CNBD1: variants seen among roughly 807,000 people sequenced by gnomAD.
CNBD1 encodes the protein cyclic nucleotide-binding domain-containing protein 1.
CNBD1 carries 71 observed loss-of-function variants against 54.4 expected under a neutral mutation model. That is an observed-to-expected ratio of 1.30 (90% confidence interval 1.08 to 1.59). CNBD1 has a LOEUF of 1.59. Among genes scored for constraint, CNBD1 ranks in the 40% most tolerant of loss-of-function variants. The probability of loss-of-function intolerance (pLI) is 0.00; values close to 1 mark genes in which losing one functional copy is unlikely to be tolerated. For synonymous variants in CNBD1, 182 were observed against 170.7 expected, an observed-to-expected ratio of 1.07 and a Z score of -0.51; for missense variants, 659 against 518.0, an observed-to-expected ratio of 1.27 and a Z score of -2.64.
intron 4 of CNBD1, among the ~76,000 whole-genome samples, chr8:87,145,815 A>G (rs902531184): frequency 1.3e-5 from 2 of 152,114 alleles, no homozygotes; most frequent in Non-Finnish European, 2.9e-5. Flanking sequence ...TCCCTATTTC[A>G]GTTCATGGTG....
intron 2 of CNBD1, among the ~76,000 whole-genome samples, chr8:87,424,716 G>A (rs1235268648): frequency 6.6e-6 from 1 of 152,174 alleles, no homozygotes; most frequent in Admixed American, 6.5e-5. Flanking sequence ...GCTTCCCTTT[G>A]AGGGGAACCT....
At chr8:87,217,023 T>C (rs1373575897) in intron 5 of CNBD1, among the ~76,000 whole-genome samples, 1 of 152,186 alleles carries the variant, frequency 6.6e-6, no homozygotes, top group Non-Finnish European at 1.5e-5. Context: ...AGAATGGCTC[T>C]TGATGTAATA....
chr8:87,321,602 G>A (rs1809534398), intron 8 of CNBD1, among the ~76,000 whole-genome samples: 1 of 151,884 alleles, frequency 6.6e-6, no homozygotes, highest in African/African-American at 2.4e-5. Context: ...CCATTTATCA[G>A]GTATATAGTC....
chr8:87,043,145 G>A (rs1810109020), intron 4 of CNBD1, among the ~76,000 whole-genome samples: 1 of 152,194 alleles, frequency 6.6e-6, no homozygotes, highest in African/African-American at 2.4e-5. Context: ...GGGTCATGCT[G>A]GAGGGGGTTA....
chr8:87,398,929 TC>T (rs1205075159), intron 2 of CNBD1, among the ~76,000 whole-genome samples: 1 of 152,056 alleles, frequency 6.6e-6, no homozygotes, highest in African/African-American at 2.4e-5. Flanking sequence ...AAGAAAATTA[TC>T]CCCTTAGTGG....
At chr8:87,257,531 A>G (rs1808047482) in intron 6 of CNBD1, among the ~76,000 whole-genome samples, 1 of 152,124 alleles carries the variant, frequency 6.6e-6, no homozygotes, top group African/African-American at 2.4e-5. Context: ...AAGTCACCTC[A>G]TCAATATATT....
chr8:87,315,546 G>T (rs1247461606), intron 8 of CNBD1, among the ~76,000 whole-genome samples: 11 of 151,878 alleles, frequency 7.2e-5, no homozygotes, highest in Non-Finnish European at 1.6e-4. Flanking sequence ...ATAGGAAGGT[G>T]CCAGGCTCAT....
chr8:87,313,538 GT>G (rs2130892699), intron 8 of CNBD1, among the ~76,000 whole-genome samples: 1 of 152,060 alleles, frequency 6.6e-6, no homozygotes, highest in East Asian at 1.9e-4. Context: ...ACTATCAATA[GT>G]TTTTAATGCA....
At chr8:86,994,691 C>T (rs1288158239) in intron 4 of CNBD1, among the ~76,000 whole-genome samples, 1 of 151,978 alleles carries the variant, frequency 6.6e-6, no homozygotes, top group Non-Finnish European at 1.5e-5. Context: ...ATTTGAGTAC[C>T]CCAGCAGGGT....
chr8:87,087,234 CAT>C (rs1313443954), intron 4 of CNBD1, among the ~76,000 whole-genome samples: 63 of 138,770 alleles, frequency 4.5e-4, no homozygotes, highest in Admixed American at 2.5e-3. Context: ...CACACACACA[CAT>C]ATATATATAC....
intron 4 of CNBD1, among the ~76,000 whole-genome samples, chr8:87,051,823 G>A (rs1048834345): frequency 6.6e-6 from 1 of 152,194 alleles, no homozygotes; most frequent in African/African-American, 2.4e-5. Context: ...CAGTGCTGCA[G>A]AGATTTTTGT....
At chr8:86,966,190 G>C (rs559012300) in intron 4 of CNBD1, among the ~76,000 whole-genome samples, 21 of 152,162 alleles carry the variant, frequency 1.4e-4, no homozygotes, top group Non-Finnish European at 2.1e-4. Flanking sequence ...TGAAGGTGGG[G>C]GTTCACTGGG....
intron 3 of CNBD1, among the ~76,000 whole-genome samples, chr8:86,917,459 C>G (rs1454841754): frequency 6.6e-6 from 1 of 152,120 alleles, no homozygotes; most frequent in Non-Finnish European, 1.5e-5. Flanking sequence ...TGATCTACCT[C>G]GAGTTAGTGC....
At chr8:87,079,355 G>A (rs1055548686) in intron 4 of CNBD1, among the ~76,000 whole-genome samples, 1 of 152,070 alleles carries the variant, frequency 6.6e-6, no homozygotes, top group Non-Finnish European at 1.5e-5. Flanking sequence ...AGATTGTATA[G>A]AAGGAGTAAT....
chr8:87,223,397 C>A (rs1398698668), intron 5 of CNBD1, among the ~76,000 whole-genome samples: 1 of 149,122 alleles, frequency 6.7e-6, no homozygotes, highest in Non-Finnish European at 1.5e-5. Flanking sequence ...GCCCCTCCCC[C>A]GACCCCACAA....
chr8:86,919,137 G>A (rs998631261), intron 3 of CNBD1, among the ~76,000 whole-genome samples: 10 of 151,992 alleles, frequency 6.6e-5, no homozygotes, highest in African/African-American at 2.4e-4. Flanking sequence ...GCCCTCAGCA[G>A]TTAACCCTAA....
intron 6 of CNBD1, among the ~76,000 whole-genome samples, chr8:87,262,558 G>A (rs981499495): frequency 2.6e-5 from 4 of 152,122 alleles, no homozygotes; most frequent in African/African-American, 9.7e-5. Flanking sequence ...AGGTAAATTT[G>A]CTCTCTCTGT....
At chr8:86,951,630 CT>C (rs1189765348) in intron 4 of CNBD1, among the ~76,000 whole-genome samples, 3 of 131,184 alleles carry the variant, frequency 2.3e-5, no homozygotes, top group East Asian at 2.4e-4. Context: ...GATATTGCCC[CT>C]ACCAGTAAAT....
At chr8:87,059,222 C>T (rs2130636573) in intron 4 of CNBD1, among the ~76,000 whole-genome samples, 1 of 152,310 alleles carries the variant, frequency 6.6e-6, no homozygotes, top group Admixed American at 6.5e-5. Flanking sequence ...GTCTCTAGGA[C>T]ATTCCAAACT....
Sources: gnomAD v4.1 joint callset for allele counts (sites outside exome capture counted in the v4.1 genomes callset) on GRCh38, gnomAD v4.1.1 for gene constraint, MANE v1.5 for transcripts, NCBI Gene and HGNC (gene_info 2026-07-23, HGNC 2026-07-21) for gene names.